The following COL21A1 variants were observed in gnomAD, a reference collection of about 807,000 sequenced individuals.
COL21A1 encodes collagen type XXI alpha 1 chain.
In COL21A1, 149 loss-of-function variants were observed where a neutral mutation model predicts 137.9. The observed-to-expected ratio is 1.08, with a 90% CI of 0.95 to 1.24. The LOEUF (loss-of-function observed/expected upper bound fraction) is 1.24, where lower values mean the gene tolerates loss of function less well. Ranked by LOEUF, COL21A1 falls within the 50% of genes most tolerant of loss-of-function variation. The pLI is 0.00. For missense variants in COL21A1, 1,167 were observed against 1,158.4 expected (o/e 1.01, Z -0.11); for synonymous variants, 456 against 391.5 (o/e 1.16, Z -1.95).
chr6:56,084,795 A>G (rs1462281963), intron 17 of COL21A1, among the ~76,000 whole-genome samples: 1 of 152,116 alleles, frequency 6.6e-6, no homozygotes, highest in African/African-American at 2.4e-5. Context: ...GGTTGCGGCT[A>G]TCATTTGGTA....
At chr6:56,202,838 GCAA>G (rs1421425621) in intron 1 of COL21A1, among the ~76,000 whole-genome samples, 5 of 152,070 alleles carry the variant, frequency 3.3e-5, no homozygotes, top group Middle Eastern at 3.2e-3. Context: ...AAATATTCAA[GCAA>G]CAAAAGAATA....
chr6:56,301,341 A>C (rs1465451313), intron 1 of COL21A1, among the ~76,000 whole-genome samples: 1 of 152,156 alleles, frequency 6.6e-6, no homozygotes, highest in Non-Finnish European at 1.5e-5. Context: ...AAGACACCAC[A>C]AGCCAAGGAA....
chr6:56,284,106 G>A (rs1338614704), intron 1 of COL21A1, among the ~76,000 whole-genome samples: 4 of 152,188 alleles, frequency 2.6e-5, no homozygotes, highest in African/African-American at 9.7e-5. Flanking sequence ...GTAGTGCAGT[G>A]ACACCATCTC....
chr6:56,202,615 T>C (rs754861072), intron 1 of COL21A1, among the ~76,000 whole-genome samples: 1 of 152,218 alleles, frequency 6.6e-6, no homozygotes, highest in Non-Finnish European at 1.5e-5. Context: ...TCCACCTAAG[T>C]GATCTCTTAA....
chr6:56,311,272 T>C (rs1227305385), intron 1 of COL21A1, among the ~76,000 whole-genome samples: 1 of 152,232 alleles, frequency 6.6e-6, no homozygotes, highest in Non-Finnish European at 1.5e-5. Context: ...TATGAGTTGC[T>C]ACATCAGAGC....
chr6:56,265,723 C>A (rs986588751), intron 1 of COL21A1, among the ~76,000 whole-genome samples: 4 of 152,162 alleles, frequency 2.6e-5, no homozygotes, highest in African/African-American at 9.6e-5. Flanking sequence ...TTATTTGCTT[C>A]TTCCATGTTC....
At chr6:56,281,884 A>C (rs1286591380) in intron 1 of COL21A1, among the ~76,000 whole-genome samples, 1 of 152,234 alleles carries the variant, frequency 6.6e-6, no homozygotes, top group Non-Finnish European at 1.5e-5. Context: ...GTTGTGTCAT[A>C]AGAAAGATAT....
intron 17 of COL21A1, among the ~76,000 whole-genome samples, chr6:56,100,188 A>C (rs1582353056): frequency 6.6e-6 from 1 of 152,278 alleles, no homozygotes; most frequent in African/African-American, 2.4e-5. Flanking sequence ...GCACACCTTT[A>C]ACCATCTCAC....
intron 1 of COL21A1, among the ~76,000 whole-genome samples, chr6:56,376,905 A>C (rs2094000356): frequency 6.8e-6 from 1 of 146,410 alleles, no homozygotes; most frequent in Non-Finnish European, 1.5e-5. Flanking sequence ...AAGAACCAAA[A>C]ATCAGGTGGG....
At chr6:56,144,718 C>T (rs1230069283) in intron 10 of COL21A1, among the ~76,000 whole-genome samples, 1 of 152,138 alleles carries the variant, frequency 6.6e-6, no homozygotes, top group African/African-American at 2.4e-5. Flanking sequence ...AACTGTGTTC[C>T]CAGCTTACCT....
At chr6:56,351,345 G>T (rs560948618) in intron 1 of COL21A1, among the ~76,000 whole-genome samples, 26 of 152,326 alleles carry the variant, frequency 1.7e-4, no homozygotes, top group African/African-American at 6.3e-4. Flanking sequence ...ACGGGGAGGG[G>T]GAATTTCCGT....
chr6:56,207,370 C>T (rs1779862879), intron 1 of COL21A1, among the ~76,000 whole-genome samples: 1 of 152,148 alleles, frequency 6.6e-6, no homozygotes, highest in African/African-American at 2.4e-5. Context: ...ACTGATCCCA[C>T]AGAAATACAA....
intron 1 of COL21A1, among the ~76,000 whole-genome samples, chr6:56,220,639 G>C (rs376717968): frequency 6.6e-6 from 1 of 151,862 alleles, no homozygotes; most frequent in South Asian, 2.1e-4. Context: ...GAACTTATCC[G>C]AGAAGAGGAA....
chr6:56,057,575 G>A lies in COL21A1; in HGVS notation c.*82C>T. On this transcript the variant is annotated 3_prime_UTR_variant, in exon 30 of 30. Coordinates refer to ENST00000244728, the MANE Select transcript of COL21A1 (RefSeq NM_030820.4). Reference sequence around the variant, plus strand: ...GAGGTACTTAAGTTTCTTTTCAAGGGATTACTGTTGGTTATCTTCCTGAGA... The same window carrying A: ...GAGGTACTTAAGTTTCTTTTCAAGGAATTACTGTTGGTTATCTTCCTGAGA... The A allele has an allele frequency of 2.3e-6, 3 of 1,316,208 alleles. No homozygotes were observed. Among genetic ancestry groups the A allele is most frequent in the South Asian group, 1.3e-5 (1 of 79,064 alleles). The allele number at this position is 1,316,208 out of a possible 1,614,324, so 81.5% of individuals were successfully genotyped here. A position where few individuals can be genotyped will look rare whatever the true frequency, so the allele number is the denominator to read the frequency against.
At chr6:56,105,640 T>C (rs1235925221) in intron 16 of COL21A1, among the ~76,000 whole-genome samples, 1 of 152,180 alleles carries the variant, frequency 6.6e-6, no homozygotes, top group African/African-American at 2.4e-5. Context: ...TTTTCATTGG[T>C]TGTTGTTATG....
intron 1 of COL21A1, among the ~76,000 whole-genome samples, chr6:56,279,511 G>T (rs529127502): frequency 5.9e-5 from 9 of 152,164 alleles, no homozygotes; most frequent in African/African-American, 2.2e-4. Flanking sequence ...CAATCAAGCA[G>T]CAGCCTCTCC....
chr6:56,057,999 A>C (rs1474700694), intron 29 of COL21A1, among the ~76,000 whole-genome samples, 155 bp from the exon 30 acceptor site: 1 of 152,142 alleles, frequency 6.6e-6, no homozygotes, highest in Non-Finnish European at 1.5e-5. Context: ...TGATAATTCT[A>C]CATGTCTTCT....
chr6:56,259,346 TC>T (rs753933937), intron 1 of COL21A1, among the ~76,000 whole-genome samples: 65 of 152,314 alleles, frequency 4.3e-4, no homozygotes, highest in Middle Eastern at 3.4e-3. Flanking sequence ...TTGTTGCTTT[TC>T]CTTCCATCCA....
intron 1 of COL21A1, among the ~76,000 whole-genome samples, chr6:56,384,503 A>G (rs967863065): frequency 1.3e-5 from 2 of 152,236 alleles, no homozygotes; most frequent in African/African-American, 2.4e-5. Context: ...CTTACTGACA[A>G]CTTCTGCTTC....
Sources: gnomAD v4.1 joint callset for allele counts (sites outside exome capture counted in the v4.1 genomes callset) on GRCh38, gnomAD v4.1.1 for gene constraint, MANE v1.5 for transcripts, NCBI Gene and HGNC (gene_info 2026-07-23, HGNC 2026-07-21) for gene names.